EXOSC1: variants seen among roughly 807,000 people sequenced by gnomAD.
EXOSC1 encodes the protein exosome component 1.
A neutral mutation model predicts 31.4 loss-of-function variants in EXOSC1; 27 were observed. That is an observed-to-expected ratio of 0.86 (90% CI 0.63 to 1.18). The LOEUF (loss-of-function observed/expected upper bound fraction) is 1.18, where lower values mean the gene tolerates loss of function less well. EXOSC1 is among the 50% of genes most tolerant of loss of function. The probability of loss-of-function intolerance (pLI) is 0.00; values close to 1 mark genes in which losing one functional copy is unlikely to be tolerated. For missense variants in EXOSC1, 228 were observed against 250.3 expected (o/e 0.91, Z 0.60); for synonymous variants, 84 against 89.5 (o/e 0.94, Z 0.35).
At chr10:97,439,291 C>A (rs1845642558) in intron 4 of EXOSC1, among the ~76,000 whole-genome samples, 1 of 152,176 alleles carries the variant, frequency 6.6e-6, no homozygotes, top group Non-Finnish European at 1.5e-5. Flanking sequence ...CAAGGGCCCC[C>A]AACTTCTGGT....
chr10:97,443,327 C>CA lies in EXOSC1; in HGVS notation c.148-17dup. 3 of 1,609,880 alleles carry CA rather than the reference C, an allele frequency of 1.9e-6. No homozygotes were observed. The highest frequency in any genetic ancestry group is 2.5e-6 in the Non-Finnish European group (3 of 1,178,194). Reference sequence around the variant, plus strand: ...CCACTGGAAGCTACAGAGGGAACAACAAAAAACTGAAATGTCCTGACTAAC... The same window carrying CA: ...CCACTGGAAGCTACAGAGGGAACAACAAAAAAACTGAAATGTCCTGACTAAC... On this transcript the variant is annotated splice_polypyrimidine_tract_variant and intron_variant, in intron 2 of 7. Transcript: ENST00000370902.
rs1845535393 is a variant in EXOSC1, at chr10:97,436,380, C to T, written c.*65G>A. The T allele has an allele frequency of 8.1e-7, 1 of 1,228,810 alleles. No individual in the cohort carries two copies. The highest frequency in any genetic ancestry group is 1.2e-6 in the Non-Finnish European group (1 of 840,946). 76.1% of individuals were successfully genotyped at this position (1,228,810 alleles called of 1,614,324 possible). A position where few individuals can be genotyped will look rare whatever the true frequency, so the allele number is the denominator to read the frequency against. ...CCGACGCCAGGTGTTTGAATAAAGA[C>T]AGCAGCATCTTGGTGTTATACTCAG... On this transcript the variant is annotated 3_prime_UTR_variant, in exon 8 of 8. Coordinates refer to ENST00000370902, the MANE Select transcript of EXOSC1 (RefSeq NM_016046.5).
At chr10:97,440,191 C>T (rs1005909784) in intron 4 of EXOSC1, among the ~76,000 whole-genome samples, 11 of 152,028 alleles carry the variant, frequency 7.2e-5, no homozygotes, top group Non-Finnish European at 1.3e-4. Flanking sequence ...AGGCTGGTCT[C>T]GAACTCCCGA....
At chr10:97,445,632 A>G (rs1845930847) in intron 2 of EXOSC1, 100 bp downstream of exon 2, 3 of 1,024,252 alleles carry the variant, frequency 2.9e-6, no homozygotes, top group African/African-American at 1.6e-5. Context: ...TGTACCACTG[A>G]GGCACTAAAG....
At chr10:97,442,737 C>A (rs769920105) in intron 3 of EXOSC1, among the ~76,000 whole-genome samples, 8 of 152,096 alleles carry the variant, frequency 5.3e-5, no homozygotes, top group African/African-American at 9.7e-5. Flanking sequence ...CCAGGCTGGA[C>A]TGCTGTGACG....
At chr10:97,437,950 C>T (rs1294973565) in intron 5 of EXOSC1, among the ~76,000 whole-genome samples, 200 bp from the exon 6 acceptor site, 1 of 151,776 alleles carries the variant, frequency 6.6e-6, no homozygotes, top group Non-Finnish European at 1.5e-5. Flanking sequence ...GATGGAGTCT[C>T]GCTCTGTCGC....
In EXOSC1 at chr10:97,437,733, ACT is replaced by A; in HGVS notation, c.361_362del (p.Ser121PhefsTer5). 1 of 1,613,256 alleles carries A rather than the reference ACT, an allele frequency of 6.2e-7. No homozygotes were observed. The highest frequency in any genetic ancestry group is 8.5e-7 in the Non-Finnish European group (1 of 1,179,496). The part of the protein sequence containing the change: ...TEKDKVEIYK[S>X]FRPGDIVLAK... ...CCAAGACAATGTCACCTGGGCGGAAACTCTTATAAATTTCAACCTGTAAAGAA... is the reference window on the plus strand; with the variant it reads ...CCAAGACAATGTCACCTGGGCGGAAACTTATAAATTTCAACCTGTAAAGAA... On this transcript the variant is annotated frameshift_variant, in exon 6 of 8. Coordinates refer to ENST00000370902, the MANE Select transcript of EXOSC1 (RefSeq NM_016046.5). LOFTEE classifies it high-confidence loss of function.
rs980567152 is a variant in EXOSC1, at chr10:97,436,225, C to T, written c.*220G>A. On this transcript the variant is annotated 3_prime_UTR_variant, in exon 8 of 8. Coordinates refer to ENST00000370902, the MANE Select transcript of EXOSC1 (RefSeq NM_016046.5). ...GAGGGATAGGCTATTTCCAATATCA[C>T]AGTTTTGTTTGTTGGTGCCTTGAAA... 9 of 439,522 alleles carry T rather than the reference C, an allele frequency of 2.0e-5. No individual in the cohort carries two copies. The highest frequency in any genetic ancestry group is 4.5e-5 in the Admixed American group (1 of 22,380). 27.2% of individuals were successfully genotyped at this position (439,522 alleles called of 1,614,324 possible).
rs1367562255 is a variant in EXOSC1, at chr10:97,436,179, T to C, written c.*266A>G. The C allele has an allele frequency of 5.9e-6, 2 of 340,210 alleles. No individual in the cohort carries two copies. Among genetic ancestry groups the C allele is most frequent in the Admixed American group, 5.2e-5 (1 of 19,086 alleles). The allele number at this position is 340,210 out of a possible 1,614,324, so 21.1% of individuals were successfully genotyped here. On this transcript the variant is annotated 3_prime_UTR_variant, in exon 8 of 8. Coordinates refer to ENST00000370902, the MANE Select transcript of EXOSC1 (RefSeq NM_016046.5). ...AAAAGTTTTATCATAGCAAAAAATA[T>C]GTATTTATAAGGACTGTCAGGAGGG...
chr10:97,436,591 G>T, intron 7 of EXOSC1, 40 bp from the exon 8 acceptor site: 1 of 1,544,554 alleles, frequency 6.5e-7, no homozygotes. Context: ...AGACCCCAAA[G>T]ATTTGCCTGC....
intron 4 of EXOSC1, among the ~76,000 whole-genome samples, chr10:97,439,305 C>A (rs1457126477): frequency 1.3e-5 from 2 of 152,178 alleles, no homozygotes; most frequent in African/African-American, 4.8e-5. Flanking sequence ...TTCTGGTGGC[C>A]TGTGAGGAAC....
intron 3 of EXOSC1, among the ~76,000 whole-genome samples, chr10:97,441,753 G>C (rs1845722646): frequency 6.8e-6 from 1 of 147,620 alleles, no homozygotes; most frequent in Non-Finnish European, 1.5e-5. Context: ...GCCTCCCAAA[G>C]TGCTGGGATT....
chr10:97,442,150 C>G (rs1376958184), intron 3 of EXOSC1, among the ~76,000 whole-genome samples: 3 of 150,782 alleles, frequency 2.0e-5, no homozygotes, highest in Admixed American at 6.6e-5. Flanking sequence ...TGCACTCCAG[C>G]CTGGGTGACA....
At chr10:97,439,798 C>A (rs1408731490) in intron 4 of EXOSC1, among the ~76,000 whole-genome samples, 1 of 152,096 alleles carries the variant, frequency 6.6e-6, no homozygotes, top group East Asian at 1.9e-4. Context: ...ACATCAAATC[C>A]TGAGGCTGGA....
At chr10:97,438,830 C>G in intron 4 of EXOSC1, 127 bp from the exon 5 acceptor site, 1 of 684,924 alleles carries the variant, frequency 1.5e-6, no homozygotes, top group South Asian at 1.7e-5. Flanking sequence ...TTGCTCACTG[C>G]AACCTCCGCC....
In EXOSC1 at chr10:97,436,474, G is replaced by A. The variant is rs904795316; in HGVS notation, c.559C>T (p.Arg187Ter). ...THTKEFRKVA[R>*]VQPEFLQT ...GTCTGCAAGAATTCGGGTTGTACTC[G>A]GGCTACTTTCCGGAATTCTTTAGTG... is the stretch of plus-strand genomic sequence containing the variant. The change falls in exon 8 of 8, where the codon CGA becomes TGA. Residue 187 changes from arginine to a stop codon, truncating the protein, a stop_gained. Coordinates refer to ENST00000370902, the MANE Select transcript of EXOSC1 (RefSeq NM_016046.5). LOFTEE classifies it high-confidence loss of function. 9 of 1,613,024 alleles carry A rather than the reference G, an allele frequency of 5.6e-6. No individual in the cohort carries two copies. Among genetic ancestry groups the A allele is most frequent in the East Asian group, 2.2e-5 (1 of 44,806 alleles).
At chr10:97,437,353 A>T in intron 6 of EXOSC1, 78 bp from the exon 7 acceptor site, 14 of 1,154,860 alleles carry the variant, frequency 1.2e-5, no homozygotes, top group Middle Eastern at 2.5e-4. Flanking sequence ...TTGTTTTTCT[A>T]CCTTTTTTTT....
In EXOSC1 at chr10:97,441,214, C is replaced by T. The variant is rs1564788660; in HGVS notation, c.268G>A (p.Val90Met). 1.2e-6 allele frequency: 2 copies of T among 1,614,124 alleles called. No individual in the cohort carries two copies. Among genetic ancestry groups the T allele is most frequent in the Non-Finnish European group, 1.7e-6 (2 of 1,179,976 alleles). Residue 90 changes from valine (V) to methionine (M), a missense_variant, in exon 4 of 8, where the codon GTG becomes ATG. Transcript: ENST00000370902. Reference sequence around the variant, plus strand: ...GAGTTCTTAAGAGGCATGGACCCCACATACAGGATGTGTACTTTGGCAAAG... The same window carrying T: ...GAGTTCTTAAGAGGCATGGACCCCATATACAGGATGTGTACTTTGGCAAAG... ...SRFAKVHILY[V>M]GSMPLKNSFR... is the part of the protein sequence containing the mutation.
At position 97,436,309 on chromosome 10, in the gene EXOSC1, C is replaced by G. The variant is rs532803388; in HGVS notation, c.*136G>C. The G allele has an allele frequency of 4.2e-4, 280 of 672,706 alleles. 1 individual carries two copies. In the African/African-American group the frequency reaches 4.9e-3, roughly 12 times the overall value. 41.7% of individuals were successfully genotyped at this position (672,706 alleles called of 1,614,324 possible). A position where few individuals can be genotyped will look rare whatever the true frequency, so the allele number is the denominator to read the frequency against. ...ACTGATAGGTTCACAGAAACATGTT[C>G]CATCTACAGCGTAAACTGGAAGATT... On this transcript the variant is annotated 3_prime_UTR_variant, in exon 8 of 8. Transcript: ENST00000370902.
Sources: gnomAD v4.1 joint callset for allele counts (sites outside exome capture counted in the v4.1 genomes callset) on GRCh38, gnomAD v4.1.1 for gene constraint, MANE v1.5 for transcripts, NCBI Gene and HGNC (gene_info 2026-07-23, HGNC 2026-07-21) for gene names.